Variants in SPAG16 observed in about 807,000 individuals in gnomAD.
SPAG16 encodes the protein sperm-associated antigen 16 protein.
In SPAG16, 86 loss-of-function variants were observed where a neutral mutation model predicts 80.4. The ratio of observed to expected loss-of-function variants is 1.07; its 90% CI spans 0.90 to 1.28. The LOEUF is 1.28. SPAG16 is among the 50% of genes most tolerant of loss of function. SPAG16 has a pLI of 0.00. For missense variants in SPAG16, 870 were observed against 765.3 expected (o/e 1.14, Z -1.61); for synonymous variants, 294 against 265.9 (o/e 1.11, Z -1.03).
chr2:214,064,688 A>G (rs534778277), intron 13 of SPAG16, among the ~76,000 whole-genome samples: 10 of 152,204 alleles, frequency 6.6e-5, no homozygotes, highest in African/African-American at 2.4e-4. Flanking sequence ...TTCATTTGAT[A>G]TATTGGTTTG....
chr2:213,410,639 C>A (rs1299983122), intron 9 of SPAG16, among the ~76,000 whole-genome samples: 1 of 152,192 alleles, frequency 6.6e-6, no homozygotes, highest in Non-Finnish European at 1.5e-5. Flanking sequence ...AAGACTTAAA[C>A]TTTGGCAATT....
chr2:213,653,278 T>C (rs151309562), intron 10 of SPAG16, among the ~76,000 whole-genome samples: 2 of 152,348 alleles, frequency 1.3e-5, no homozygotes, highest in Non-Finnish European at 2.9e-5. Context: ...CTTATCCTAA[T>C]AGTAAAAAGG....
intron 14 of SPAG16, among the ~76,000 whole-genome samples, chr2:214,114,700 G>A (rs537896417): frequency 1.1e-4 from 16 of 152,256 alleles, no homozygotes; most frequent in African/African-American, 3.4e-4. Context: ...GTTTTTCCAG[G>A]TACAGTCTGT....
At chr2:214,193,291 C>T (rs779398955) in intron 15 of SPAG16, among the ~76,000 whole-genome samples, 2 of 151,898 alleles carry the variant, frequency 1.3e-5, no homozygotes, top group African/African-American at 4.8e-5. Context: ...CTGGGAGGAG[C>T]TCTGGTCGCC....
chr2:213,858,918 C>T (rs112201437), intron 10 of SPAG16, among the ~76,000 whole-genome samples: 5 of 151,830 alleles, frequency 3.3e-5, no homozygotes, highest in African/African-American at 7.3e-5. Context: ...CAGTGGCTCA[C>T]GCCTGTAATC....
chr2:213,325,677 A>G (rs944097728), intron 5 of SPAG16, among the ~76,000 whole-genome samples: 1 of 151,724 alleles, frequency 6.6e-6, no homozygotes, highest in African/African-American at 2.4e-5. Flanking sequence ...AAGGATTGAT[A>G]CTGTCACAAG....
At chr2:213,350,057 C>G (rs924721410) in intron 6 of SPAG16, among the ~76,000 whole-genome samples, 1 of 152,070 alleles carries the variant, frequency 6.6e-6, no homozygotes, top group Non-Finnish European at 1.5e-5. Context: ...GTTTAGATAT[C>G]AAAATGTTTT....
chr2:213,907,899 G>A (rs2077497800), intron 11 of SPAG16, among the ~76,000 whole-genome samples: 1 of 152,064 alleles, frequency 6.6e-6, no homozygotes, highest in Admixed American at 6.6e-5. Context: ...GAAAGAAATG[G>A]TACAAATTAC....
At chr2:213,560,240 G>A (rs2059561030) in intron 10 of SPAG16, among the ~76,000 whole-genome samples, 1 of 152,036 alleles carries the variant, frequency 6.6e-6, no homozygotes, top group African/African-American at 2.4e-5. Flanking sequence ...AAGTATTTGG[G>A]ATATAGAGGA....
rs368957142 is a variant in SPAG16 at position 213,678,475 on chromosome 2, A to T, written c.1071-184010A>T. ...CCACAGAAATACAAACTACCATCAG[A>T]GAATACTACAAACACCTCTACACAA... is the stretch of plus-strand genomic sequence containing the variant. On this transcript the variant is annotated intron_variant, in intron 10 of 15. Transcript: ENST00000331683. 5.9e-5 allele frequency among the ~76,000 whole-genome samples: 9 copies of T among 152,332 alleles called. No homozygotes were observed. In the East Asian group the frequency reaches 1.2e-3, roughly 20 times the overall value.
chr2:213,726,064 G>A lies in SPAG16; in HGVS notation c.1071-136421G>A, dbSNP rs111268856. Among the ~76,000 whole-genome samples the A allele has an allele frequency of 6.6e-3, 998 of 152,298 alleles. 13 individuals carry two copies. Among genetic ancestry groups the A allele is most frequent in the African/African-American group, 0.023 (943 of 41,566 alleles). On this transcript the variant is annotated intron_variant, in intron 10 of 15. Transcript: ENST00000331683. ...TCCCTTACTCCTACAGTGCATGCCA[G>A]CCTAATACCCAACTGCCAATATAAT...
intron 10 of SPAG16, among the ~76,000 whole-genome samples, chr2:213,800,311 C>G (rs1231331112): frequency 6.8e-6 from 1 of 147,944 alleles, no homozygotes; most frequent in African/African-American, 2.5e-5. Flanking sequence ...TCCCTTTCTC[C>G]TTCCCTCCCT....
At chr2:213,488,572 A>G (rs1013492380) in intron 9 of SPAG16, among the ~76,000 whole-genome samples, 2 of 152,148 alleles carry the variant, frequency 1.3e-5, no homozygotes, top group Non-Finnish European at 2.9e-5. Context: ...AAAATGCAGC[A>G]ATGATAAATG....
At chr2:214,341,430 G>T (rs1015967069) in intron 15 of SPAG16, among the ~76,000 whole-genome samples, 1 of 152,160 alleles carries the variant, frequency 6.6e-6, no homozygotes, top group Non-Finnish European at 1.5e-5. Flanking sequence ...CATATTGAAT[G>T]AATAAGAGAC....
chr2:213,796,752 TAATA>T (rs576484969), intron 10 of SPAG16, among the ~76,000 whole-genome samples: 112 of 152,302 alleles, frequency 7.4e-4, no homozygotes, highest in Non-Finnish European at 1.3e-3. Flanking sequence ...TAATACTTGA[TAATA>T]AATAAAGTTA....
At chr2:213,884,602 A>T (rs1327682230) in intron 11 of SPAG16, among the ~76,000 whole-genome samples, 1 of 152,108 alleles carries the variant, frequency 6.6e-6, no homozygotes, top group South Asian at 2.1e-4. Flanking sequence ...CAAGTTGTTT[A>T]TTCTCTCTCC....
At chr2:214,052,958 T>C (rs947485954) in intron 13 of SPAG16, among the ~76,000 whole-genome samples, 1 of 151,944 alleles carries the variant, frequency 6.6e-6, no homozygotes, top group Non-Finnish European at 1.5e-5. Context: ...AATGACAGAG[T>C]TTTTTCTGCC....
chr2:214,150,511 A>G (rs2055923225), intron 15 of SPAG16, among the ~76,000 whole-genome samples: 1 of 152,088 alleles, frequency 6.6e-6, no homozygotes, highest in African/African-American at 2.4e-5. Flanking sequence ...GTCAATTTAT[A>G]GTTTTTGGCA....
At chr2:213,444,737 A>C (rs2071188563) in intron 9 of SPAG16, among the ~76,000 whole-genome samples, 1 of 152,138 alleles carries the variant, frequency 6.6e-6, no homozygotes, top group African/African-American at 2.4e-5. Context: ...AAAGAAAAAA[A>C]ATTCTAAAAT....
Sources: gnomAD v4.1 joint callset for allele counts (sites outside exome capture counted in the v4.1 genomes callset) on GRCh38, gnomAD v4.1.1 for gene constraint, MANE v1.5 for transcripts, NCBI Gene and HGNC (gene_info 2026-07-23, HGNC 2026-07-21) for gene names.